Variants in SLC19A2 observed in about 807,000 individuals in gnomAD.
The protein encoded by SLC19A2 is thiamine transporter 1.
Under a neutral mutation model 44.7 loss-of-function variants are expected in SLC19A2, and 27 were observed. The ratio of observed to expected loss-of-function variants is 0.60; its 90% CI spans 0.45 to 0.83. The LOEUF is 0.83. Among genes scored for constraint, SLC19A2 ranks in the 40% least tolerant of loss-of-function variants. The pLI, the probability that SLC19A2 is intolerant of heterozygous loss-of-function variation, is 0.00. For missense variants in SLC19A2, 566 were observed against 613.7 expected (o/e 0.92, Z 0.82); for synonymous variants, 239 against 243.6 (o/e 0.98, Z 0.18).
At chr1:169,481,278 A>T (rs186175808) in intron 1 of SLC19A2, among the ~76,000 whole-genome samples, 99 of 152,374 alleles carry the variant, frequency 6.5e-4, no homozygotes, top group African/African-American at 2.3e-3. Context: ...CCTTAAAGAA[A>T]GGTTAAGTGA....
In SLC19A2 at chr1:169,470,048, T is replaced by G; in HGVS notation, c.946A>C (p.Thr316Pro). Reference sequence around the variant, plus strand: ...ATCACTTTCTCCCACAGGCCCTGTGTGTAGTTCACAACTTGAAAATAGCCA... The same window carrying G: ...ATCACTTTCTCCCACAGGCCCTGTGGGTAGTTCACAACTTGAAAATAGCCA... Reference protein sequence around the residue: ...TCGYFQVVNYTQGLWEKVMPS... With the variant: ...TCGYFQVVNYPQGLWEKVMPS... Residue 316 changes from threonine to proline, a missense_variant, in exon 3 of 6, where the codon ACA becomes CCA. Transcript: ENST00000236137. The G allele has an allele frequency of 1.2e-6, 2 of 1,613,984 alleles. No individual in the cohort carries two copies. Among genetic ancestry groups the G allele is most frequent in the Non-Finnish European group, 1.7e-6 (2 of 1,179,936 alleles).
Position 169,465,499 on chromosome 1 carries a change from A to T in SLC19A2, c.*350T>A, listed in dbSNP as rs1409096643. 1 of 295,278 alleles carries T rather than the reference A, an allele frequency of 3.4e-6. No homozygotes were observed. The highest frequency in any genetic ancestry group is 8.8e-5 in the East Asian group (1 of 11,314). The allele number at this position is 295,278 out of a possible 1,614,324, so 18.3% of individuals were successfully genotyped here. A position where few individuals can be genotyped will look rare whatever the true frequency, so the allele number is the denominator to read the frequency against. ...AGGCCAAGCATCTGGCTAAGTAGAT[A>T]CAGACATATGTGACCTATAAAACAC... On this transcript the variant is annotated 3_prime_UTR_variant, in exon 6 of 6. Transcript: ENST00000236137.
At chr1:169,467,741 G>A (rs1658070297) in intron 5 of SLC19A2, among the ~76,000 whole-genome samples, 1 of 152,168 alleles carries the variant, frequency 6.6e-6, no homozygotes, top group Non-Finnish European at 1.5e-5. Flanking sequence ...AAAGAGTTGT[G>A]AGATGAAGCA....
At chr1:169,480,590 G>A (rs929711682) in intron 1 of SLC19A2, among the ~76,000 whole-genome samples, 10 of 152,002 alleles carry the variant, frequency 6.6e-5, no homozygotes, top group African/African-American at 2.2e-4. Flanking sequence ...GTGAACCACC[G>A]CACCCAGCCT....
At chr1:169,482,495 C>T (rs191521280) in intron 1 of SLC19A2, among the ~76,000 whole-genome samples, 104 of 152,238 alleles carry the variant, frequency 6.8e-4, no homozygotes, top group Middle Eastern at 3.4e-3. Flanking sequence ...GAGCCGAGAT[C>T]GCACCACTGC....
chr1:169,482,679 A>G (rs1259995865), intron 1 of SLC19A2, among the ~76,000 whole-genome samples: 1 of 152,240 alleles, frequency 6.6e-6, no homozygotes, highest in Non-Finnish European at 1.5e-5. Context: ...AGAAACCTAA[A>G]GGCTAACAAA....
At chr1:169,476,048 C>CGGG (rs1393556464) in intron 2 of SLC19A2, among the ~76,000 whole-genome samples, 3 of 151,992 alleles carry the variant, frequency 2.0e-5, no homozygotes, top group Non-Finnish European at 4.4e-5. Context: ...TATTTCCAAA[C>CGGG]ATGTCCCAGG....
rs1657927335 is a variant in SLC19A2, at chr1:169,463,952, TA to T, written c.*1896del. 1 of 152,058 alleles carries T rather than the reference TA, an allele frequency of 6.6e-6. No homozygotes were observed. The highest frequency in any genetic ancestry group is 6.5e-5 in the Admixed American group (1 of 15,278). The allele number at this position is 152,058 out of a possible 1,614,324, so 9.4% of individuals were successfully genotyped here. On this transcript the variant is annotated 3_prime_UTR_variant, in exon 6 of 6. Transcript: ENST00000236137. ...AATATACTGTAAAATATTTATTTAA[TA>T]AAAATAATTTTATAATCTATACAGA... is the stretch of plus-strand genomic sequence containing the variant.
chr1:169,485,114 G>A (rs559715706), intron 1 of SLC19A2, among the ~76,000 whole-genome samples: 21 of 152,366 alleles, frequency 1.4e-4, no homozygotes, highest in Admixed American at 6.5e-4. Flanking sequence ...CAGGAAGCAG[G>A]TGAAGGAGGT....
intron 3 of SLC19A2, chr1:169,469,132 A>T: frequency 5.2e-6 from 2 of 386,270 alleles, no homozygotes; most frequent in Non-Finnish European, 9.5e-6. Context: ...AGCAGAGGCA[A>T]GAGTCAAAAA....
Position 169,468,645 on chromosome 1 carries a change from T to A in SLC19A2, c.1222A>T (p.Thr408Ser), listed in dbSNP as rs1333282774. Residue 408 changes from threonine to serine, a missense_variant and splice_region_variant, in exon 4 of 6, where the codon ACT becomes TCT. By Grantham distance (58) the Thr-to-Ser change is moderately conservative (BLOSUM62 1). Coordinates refer to ENST00000236137, the MANE Select transcript of SLC19A2 (RefSeq NM_006996.3). Reference protein sequence around the residue: ...IIYMLLITIATFQIAANLSME... With the variant: ...IIYMLLITIASFQIAANLSME... The stretch of plus-strand genomic sequence containing the variant: ...GCTTCTATGAGCCAAAATACATACG[T>A]TGCTATCGTGATGAGTAACATGTAG... 3.7e-6 allele frequency: 6 copies of A among 1,613,460 alleles called. No individual in the cohort carries two copies. Among genetic ancestry groups the A allele is most frequent in the Non-Finnish European group, 5.1e-6 (6 of 1,179,496 alleles).
chr1:169,470,234 T>TTGCCTTC (rs1412573257), intron 2 of SLC19A2, 48 bp from the exon 3 acceptor site: 18 of 1,534,954 alleles, frequency 1.2e-5, no homozygotes, highest in Middle Eastern at 3.4e-4. Flanking sequence ...AAGGCAATTA[T>TTGCCTTC]ATAGAAAGCA....
At chr1:169,482,888 C>T (rs777386900) in intron 1 of SLC19A2, among the ~76,000 whole-genome samples, 2 of 152,042 alleles carry the variant, frequency 1.3e-5, no homozygotes, top group Non-Finnish European at 2.9e-5. Context: ...AACCAAACTT[C>T]GTGAGGCTCT....
At chr1:169,481,896 A>G (rs1264528581) in intron 1 of SLC19A2, among the ~76,000 whole-genome samples, 1 of 152,196 alleles carries the variant, frequency 6.6e-6, no homozygotes, top group South Asian at 2.1e-4. Flanking sequence ...ACCAGCACGG[A>G]GGTGACAAAA....
chr1:169,481,540 T>C (rs1658445797), intron 1 of SLC19A2, among the ~76,000 whole-genome samples: 1 of 152,232 alleles, frequency 6.6e-6, no homozygotes, highest in Admixed American at 6.5e-5. Flanking sequence ...GATCCTTTTC[T>C]TTTTCAGTGT....
At position 169,477,214 on chromosome 1, in the gene SLC19A2, A is replaced by T; in HGVS notation, c.748T>A (p.Trp250Arg). 1 of 1,614,144 alleles carries T rather than the reference A, an allele frequency of 6.2e-7. No homozygotes were observed. Among genetic ancestry groups the T allele is most frequent in the Non-Finnish European group, 8.5e-7 (1 of 1,180,016 alleles). ...DTPASNHLPG[W>R]EDIESKIPLN... ...GGGATTTTTGACTCAATGTCCTCCC[A>T]GCCAGGAAGGTGGTTAGAAGCTGGG... The change falls in exon 2 of 6, where the codon TGG becomes AGG. Residue 250 changes from tryptophan to arginine, a missense_variant. Coordinates refer to ENST00000236137, the MANE Select transcript of SLC19A2 (RefSeq NM_006996.3).
chr1:169,469,928 C>T, intron 3 of SLC19A2, 36 bp downstream of exon 3: 3 of 1,580,908 alleles, frequency 1.9e-6, no homozygotes, highest in Non-Finnish European at 2.6e-6. Flanking sequence ...GGAATCCCTC[C>T]CCCACCACGA....
At chr1:169,472,620 A>G (rs1658214322) in intron 2 of SLC19A2, among the ~76,000 whole-genome samples, 1 of 152,224 alleles carries the variant, frequency 6.6e-6, no homozygotes, top group Admixed American at 6.5e-5. Flanking sequence ...GCCCAGTATA[A>G]TGCATTTGAG....
Position 169,477,379 on chromosome 1 carries a change from G to A in SLC19A2, c.583C>T (p.Leu195Phe), listed in dbSNP as rs1446658840. 2 of 1,614,086 alleles carry A rather than the reference G, an allele frequency of 1.2e-6. No homozygotes were observed. Among genetic ancestry groups the A allele is most frequent in the African/African-American group, 1.3e-5 (1 of 74,926 alleles). The change falls in exon 2 of 6, where the codon CTT becomes TTT. Residue 195 changes from leucine to phenylalanine, a missense_variant. Leu to Phe is a conservative substitution (Grantham distance 22, BLOSUM62 0). Coordinates refer to ENST00000236137, the MANE Select transcript of SLC19A2 (RefSeq NM_006996.3). ...GCAAAAGCCACTGAAACACAGGTAA[G>A]AGAGATGACATTCAGGCTGAACAGC... ...WSLFSLNVIS[L>F]TCVSVAFAVA... is the part of the protein sequence containing the mutation.
Sources: allele counts gnomAD v4.1 joint callset (sites outside exome capture counted in the v4.1 genomes callset), GRCh38; gene constraint gnomAD v4.1.1; transcripts MANE v1.5; gene names NCBI Gene and HGNC (gene_info 2026-07-23, HGNC 2026-07-21).